The following THSD7A variants were observed in gnomAD, a reference collection of about 807,000 sequenced individuals.
THSD7A encodes the protein thrombospondin type-1 domain-containing protein 7A.
A neutral mutation model predicts 231.3 loss-of-function variants in THSD7A; 96 were observed. That is an observed-to-expected ratio of 0.41 (90% CI 0.35 to 0.49). The LOEUF (loss-of-function observed/expected upper bound fraction) is 0.49. Among genes scored for constraint, THSD7A ranks in the 20% least tolerant of loss-of-function variants. The probability of loss-of-function intolerance (pLI) is 0.05; values close to 1 mark genes in which losing one functional copy is unlikely to be tolerated. For missense variants in THSD7A, 2,290 were observed against 2,070.2 expected, an observed-to-expected ratio of 1.11 and a Z score of -2.06; for synonymous variants, 940 against 743.3, an observed-to-expected ratio of 1.26 and a Z score of -4.30.
At chr7:11,598,156 A>T (rs545116394) in intron 2 of THSD7A, among the ~76,000 whole-genome samples, 1 of 152,278 alleles carries the variant, frequency 6.6e-6, no homozygotes, top group Admixed American at 6.5e-5. Context: ...AAATGGCCTG[A>T]TGTGTGATTA....
chr7:11,775,529 T>C (rs902470540), intron 1 of THSD7A, among the ~76,000 whole-genome samples: 3 of 152,142 alleles, frequency 2.0e-5, no homozygotes, highest in Non-Finnish European at 4.4e-5. Flanking sequence ...GTAAGGAAAT[T>C]GTGATGCGTG....
rs186472201 is a variant in THSD7A at position 11,732,382 on chromosome 7, A to G, written c.191-95421T>C. On this transcript the variant is annotated intron_variant, in intron 1 of 27. Transcript: ENST00000423059. ...CCAAGTTCAGTCAGCCATGTGGCAT[A>G]CTGCCGGACGCATAGTGCAAAGTGA... 4.6e-5 allele frequency among the ~76,000 whole-genome samples: 7 copies of G among 151,992 alleles called. No homozygotes were observed. In the East Asian group the frequency reaches 1.4e-3, roughly 30 times the overall value.
intron 23 of THSD7A, 118 bp downstream of exon 23, chr7:11,401,677 G>C: frequency 1.1e-6 from 1 of 912,668 alleles, no homozygotes; most frequent in Middle Eastern, 3.6e-4. Context: ...CTCCCAAAGC[G>C]TTGGGATTAC....
chr7:11,461,974 TC>T (rs2128298492), intron 10 of THSD7A, 36 bp downstream of exon 10: 1 of 1,603,734 alleles, frequency 6.2e-7, no homozygotes. Flanking sequence ...ACGTATTTGT[TC>T]AGCTCCTCCC....
chr7:11,574,212 A>C (rs1279716749), intron 4 of THSD7A, among the ~76,000 whole-genome samples: 4 of 151,568 alleles, frequency 2.6e-5, no homozygotes, highest in Admixed American at 2.0e-4. Flanking sequence ...TTCTCTGCAT[A>C]GTGCTTATTG....
At chr7:11,589,612 T>C (rs1428796009) in intron 4 of THSD7A, among the ~76,000 whole-genome samples, 1 of 152,214 alleles carries the variant, frequency 6.6e-6, no homozygotes, top group Non-Finnish European at 1.5e-5. Flanking sequence ...TTGGTATTTC[T>C]ATCCTCACTC....
At chr7:11,624,996 A>G (rs1781433796) in intron 2 of THSD7A, among the ~76,000 whole-genome samples, 1 of 152,144 alleles carries the variant, frequency 6.6e-6, no homozygotes, top group African/African-American at 2.4e-5. Flanking sequence ...ACCAAAATGT[A>G]TCAGTATATC....
intron 1 of THSD7A, among the ~76,000 whole-genome samples, chr7:11,687,592 A>G (rs1356261716): frequency 6.6e-6 from 1 of 151,954 alleles, no homozygotes; most frequent in African/African-American, 2.4e-5. Flanking sequence ...TATTAAATTC[A>G]GAAGAGTTAT....
In THSD7A at chr7:11,445,213, G is replaced by A. The variant is rs1035460801; in HGVS notation, c.3064+848C>T. Among the ~76,000 whole-genome samples, 115 of 151,992 alleles carry A rather than the reference G, an allele frequency of 7.6e-4. 3 individuals are homozygous for A. Among genetic ancestry groups the A allele is most frequent in the Non-Finnish European group, 2.9e-5 (2 of 67,988 alleles). On this transcript the variant is annotated intron_variant, in intron 13 of 27. Transcript: ENST00000423059. ...TTTCTTGGCCACTTCTATCAAGTAA[G>A]TAAGAGATCATCATCTGGTGTTGCA...
At chr7:11,605,920 T>C (rs915130363) in intron 2 of THSD7A, among the ~76,000 whole-genome samples, 1 of 152,142 alleles carries the variant, frequency 6.6e-6, no homozygotes, top group African/African-American at 2.4e-5. Context: ...GTTCAGAATC[T>C]AAGCCCAGCT....
intron 4 of THSD7A, among the ~76,000 whole-genome samples, chr7:11,577,058 T>C (rs1358538898): frequency 6.6e-6 from 1 of 152,206 alleles, no homozygotes; most frequent in Non-Finnish European, 1.5e-5. Flanking sequence ...AATTATTCTC[T>C]AATTATCAGG....
intron 19 of THSD7A, among the ~76,000 whole-genome samples, chr7:11,409,677 A>G (rs1310458834): frequency 6.6e-6 from 1 of 152,192 alleles, no homozygotes; most frequent in Non-Finnish European, 1.5e-5. Context: ...AGGACATACT[A>G]ATCAACCAGA....
intron 1 of THSD7A, among the ~76,000 whole-genome samples, chr7:11,639,504 C>T (rs1781996705): frequency 1.3e-5 from 2 of 151,838 alleles, no homozygotes; most frequent in South Asian, 4.2e-4. Flanking sequence ...CCTGTCTGTA[C>T]TAAAAATACA....
chr7:11,718,791 T>C (rs867622006), intron 1 of THSD7A, among the ~76,000 whole-genome samples: 3 of 151,632 alleles, frequency 2.0e-5, no homozygotes, highest in African/African-American at 7.3e-5. Context: ...ATAGTCCTAG[T>C]GGCACATTTG....
chr7:11,689,999 C>CAT (rs1224450828), intron 1 of THSD7A, among the ~76,000 whole-genome samples: 1 of 151,622 alleles, frequency 6.6e-6, no homozygotes, highest in Admixed American at 6.6e-5. Flanking sequence ...ACAAAGAATT[C>CAT]ATATTAAATA....
intron 13 of THSD7A, among the ~76,000 whole-genome samples, chr7:11,442,873 T>C (rs1430145766): frequency 1.3e-5 from 2 of 152,032 alleles, no homozygotes; most frequent in African/African-American, 4.8e-5. Context: ...CCTTTCGGAA[T>C]CCCCACGAAG....
At chr7:11,647,383 C>G (rs984273838) in intron 1 of THSD7A, among the ~76,000 whole-genome samples, 1 of 151,986 alleles carries the variant, frequency 6.6e-6, no homozygotes, top group South Asian at 2.1e-4. Context: ...TGTCTTGGCT[C>G]TTATGGCACA....
chr7:11,387,110 G>T (rs1183215105), intron 23 of THSD7A, among the ~76,000 whole-genome samples: 1 of 152,150 alleles, frequency 6.6e-6, no homozygotes, highest in East Asian at 1.9e-4. Flanking sequence ...TTTGGTTACT[G>T]TAGCCTTGTA....
At chr7:11,616,464 C>T (rs931084973) in intron 2 of THSD7A, among the ~76,000 whole-genome samples, 2 of 152,114 alleles carry the variant, frequency 1.3e-5, no homozygotes, top group African/African-American at 4.8e-5. Context: ...CAATTTTGAT[C>T]CAAAACTATT....
Sources: allele counts gnomAD v4.1 joint callset (sites outside exome capture counted in the v4.1 genomes callset), GRCh38; gene constraint gnomAD v4.1.1; transcripts MANE v1.5; gene names NCBI Gene and HGNC (gene_info 2026-07-23, HGNC 2026-07-21).